The following DLG1 variants were observed in gnomAD, a reference collection of about 807,000 sequenced individuals.
DLG1 encodes disks large homolog 1.
DLG1 carries 42 observed loss-of-function variants against 123.4 expected under a neutral mutation model. The ratio of observed to expected loss-of-function variants is 0.34; its 90% CI spans 0.27 to 0.44. The LOEUF is 0.44. Among genes scored for constraint, DLG1 ranks in the 20% least tolerant of loss-of-function variants. The pLI, the probability that DLG1 is intolerant of heterozygous loss-of-function variation, is 1.00. For synonymous variants in DLG1, 317 were observed against 356.2 expected, an observed-to-expected ratio of 0.89 and a Z score of 1.24; for missense variants, 942 against 1,082.6, an observed-to-expected ratio of 0.87 and a Z score of 1.82.
chr3:197,257,643 TAAAG>T (rs1487675575), intron 4 of DLG1, among the ~76,000 whole-genome samples: 7 of 152,240 alleles, frequency 4.6e-5, no homozygotes, highest in Non-Finnish European at 8.8e-5. Flanking sequence ...CACCTGAACT[TAAAG>T]AAAGACATGA....
At chr3:197,298,418 C>T (rs1778545165) in intron 1 of DLG1, 118 bp downstream of exon 1, 4 of 398,682 alleles carry the variant, frequency 1.0e-5, no homozygotes, top group East Asian at 7.1e-5. Flanking sequence ...CCGCCTTTAC[C>T]TTGCCCTAGC....
At chr3:197,214,622 T>C (rs529319720) in intron 4 of DLG1, among the ~76,000 whole-genome samples, 1 of 151,920 alleles carries the variant, frequency 6.6e-6, no homozygotes, top group Non-Finnish European at 1.5e-5. Flanking sequence ...TAAATTTGAA[T>C]ACATAAAATT....
chr3:197,212,746 A>G (rs1356651310), intron 4 of DLG1, among the ~76,000 whole-genome samples: 1 of 152,224 alleles, frequency 6.6e-6, no homozygotes, highest in East Asian at 1.9e-4. Context: ...ATAAGGTCAT[A>G]TTCTGAGATA....
At chr3:197,178,194 C>T (rs1808194013) in intron 5 of DLG1, among the ~76,000 whole-genome samples, 1 of 152,030 alleles carries the variant, frequency 6.6e-6, no homozygotes, top group Admixed American at 6.6e-5. Context: ...AAAATATTAA[C>T]GAGAGAAGTT....
intron 17 of DLG1, chr3:197,080,502 C>A (rs1478062395): frequency 7.1e-6 from 1 of 141,804 alleles, no homozygotes; most frequent in Non-Finnish European, 1.5e-5. Context: ...CGCTCTGTTG[C>A]CCAGTCTGGA....
chr3:197,091,580 T>C (rs1757748608), intron 14 of DLG1, among the ~76,000 whole-genome samples: 1 of 152,002 alleles, frequency 6.6e-6, no homozygotes, highest in Admixed American at 6.5e-5. Flanking sequence ...ATTATCAAAA[T>C]TCAAGACACA....
intron 24 of DLG1, among the ~76,000 whole-genome samples, chr3:197,048,969 T>C (rs1426567011): frequency 6.6e-6 from 1 of 152,084 alleles, no homozygotes; most frequent in Non-Finnish European, 1.5e-5. Context: ...CTCAAAAAAT[T>C]AAAAACTGAG....
chr3:197,110,764 A>ATC (rs1219040341), intron 13 of DLG1, among the ~76,000 whole-genome samples: 2 of 152,112 alleles, frequency 1.3e-5, no homozygotes, highest in Non-Finnish European at 2.9e-5. Flanking sequence ...TTAATGACTG[A>ATC]ATACATATTT....
intron 3 of DLG1, among the ~76,000 whole-genome samples, chr3:197,288,558 T>C: frequency 6.8e-6 from 1 of 147,798 alleles, no homozygotes; most frequent in Admixed American, 6.8e-5. Context: ...CCTGTCTGTA[T>C]TAAAAATACA....
intron 5 of DLG1, among the ~76,000 whole-genome samples, chr3:197,165,655 C>G (rs1019111658): frequency 3.3e-5 from 5 of 152,104 alleles, no homozygotes; most frequent in African/African-American, 9.7e-5. Context: ...AAATTAATAA[C>G]AATCGTAACT....
At chr3:197,242,598 A>T (rs1749510027) in intron 4 of DLG1, among the ~76,000 whole-genome samples, 1 of 152,086 alleles carries the variant, frequency 6.6e-6, no homozygotes, top group Non-Finnish European at 1.5e-5. Flanking sequence ...TTTTCTGACC[A>T]CAAAAAGAAT....
At chr3:197,129,179 A>G (rs1781281932) in intron 11 of DLG1, among the ~76,000 whole-genome samples, 1 of 152,248 alleles carries the variant, frequency 6.6e-6, no homozygotes, top group Non-Finnish European at 1.5e-5. Flanking sequence ...AGGCTGTTTC[A>G]TCTACATTGA....
intron 5 of DLG1, among the ~76,000 whole-genome samples, chr3:197,192,352 AG>A (rs1720055356): frequency 6.6e-6 from 1 of 152,206 alleles, no homozygotes; most frequent in African/African-American, 2.4e-5. Flanking sequence ...TGCTGTTTCA[AG>A]AAACATTTAT....
At chr3:197,108,076 C>G (rs1234029968) in intron 13 of DLG1, among the ~76,000 whole-genome samples, 2 of 152,090 alleles carry the variant, frequency 1.3e-5, no homozygotes, top group Non-Finnish European at 2.9e-5. Context: ...ATATCATGTG[C>G]TTTATGTCCT....
intron 3 of DLG1, among the ~76,000 whole-genome samples, chr3:197,287,845 TC>T (rs2151201531): frequency 1.3e-5 from 2 of 152,300 alleles, no homozygotes; most frequent in South Asian, 4.1e-4. Context: ...TGGTCATTCT[TC>T]CACATACTTC....
chr3:197,052,928 A>C (rs1477864871), intron 23 of DLG1, among the ~76,000 whole-genome samples: 1 of 152,256 alleles, frequency 6.6e-6, no homozygotes, highest in East Asian at 1.9e-4. Flanking sequence ...AACTTATGAA[A>C]TAACCAGCAA....
At chr3:197,135,507 T>C (rs1784645658) in intron 10 of DLG1, among the ~76,000 whole-genome samples, 1 of 152,102 alleles carries the variant, frequency 6.6e-6, no homozygotes, top group South Asian at 2.1e-4. Context: ...GTCTGGTGAG[T>C]CAATTAAACC....
chr3:197,079,611 T>G (rs1749584747), intron 17 of DLG1, among the ~76,000 whole-genome samples: 1 of 152,204 alleles, frequency 6.6e-6, no homozygotes, highest in South Asian at 2.1e-4. Flanking sequence ...AATTTATTGA[T>G]GGTATATTGT....
intron 4 of DLG1, among the ~76,000 whole-genome samples, chr3:197,231,868 C>T (rs1743308726): frequency 6.6e-6 from 1 of 151,904 alleles, no homozygotes; most frequent in African/African-American, 2.4e-5. Context: ...TTCAATTAAC[C>T]ACAGAATTTC....
Sources: gnomAD v4.1 joint callset for allele counts (sites outside exome capture counted in the v4.1 genomes callset) on GRCh38, gnomAD v4.1.1 for gene constraint, MANE v1.5 for transcripts, NCBI Gene and HGNC (gene_info 2026-07-23, HGNC 2026-07-21) for gene names.